The following NTN5 variants were observed in gnomAD, a reference collection of about 807,000 sequenced individuals.
The protein encoded by NTN5 is netrin 5, also known as netrin-5.
NTN5 carries 42 observed loss-of-function variants against 38.7 expected under a neutral mutation model. That is an observed-to-expected ratio of 1.08 (90% CI 0.85 to 1.40). NTN5 has a LOEUF of 1.40. Among genes scored for constraint, NTN5 ranks in the 40% most tolerant of loss-of-function variants. NTN5 has a pLI of 0.00. For synonymous variants in NTN5, 329 were observed against 303.9 expected (o/e 1.08, Z -0.86); for missense variants, 658 against 716.5 (o/e 0.92, Z 0.93).
intron 2 of NTN5, chr19:48,667,406 C>T (rs905140275): frequency 4.7e-6 from 2 of 425,802 alleles, no homozygotes; most frequent in Non-Finnish European, 9.5e-6. Context: ...AGGACAGCCT[C>T]CCCAGCGCCC....
At position 48,663,499 on chromosome 19, in the gene NTN5, G is replaced by A. The variant is rs2031604183; in HGVS notation, c.1069C>T (p.His357Tyr). The change falls in exon 6 of 7, where the codon CAC (histidine) becomes TAC (tyrosine). Residue 357 changes from histidine (H) to tyrosine (Y), a missense_variant. Coordinates refer to ENST00000270235, the MANE Select transcript of NTN5 (RefSeq NM_145807.4). ...TGGCAGTACCTCCGAAGGCTCATGTGTACCCTGGTGTCCGACATATTGCAG... is the reference window on the plus strand; with the variant it reads ...TGGCAGTACCTCCGAAGGCTCATGTATACCCTGGTGTCCGACATATTGCAG... ...NYCNMSDTRV[H>Y]MSLRRYCQQD... 4 of 1,614,200 alleles carry A rather than the reference G, an allele frequency of 2.5e-6. No individual in the cohort carries two copies. Among genetic ancestry groups the A allele is most frequent in the African/African-American group, 2.7e-5 (2 of 75,068 alleles).
At position 48,664,556 on chromosome 19, in the gene NTN5, G is replaced by T. The variant is rs1365050970; in HGVS notation, c.820+23C>A. 3.3e-5 allele frequency: 52 copies of T among 1,583,074 alleles called. 2 individuals carry two copies. The South Asian group carries it at 4.6e-4, about 14-fold the overall frequency. On this transcript the variant is annotated intron_variant, in intron 3 of 6. Coordinates refer to ENST00000270235, the MANE Select transcript of NTN5 (RefSeq NM_145807.4). ...CCAGCCCTACCTCTGCTCCCCCCAG[G>T]CCTGTCTGCAGGCCACACTCACCTC...
chr19:48,670,584 C>A lies in NTN5; in HGVS notation c.403G>T (p.Ala135Ser), dbSNP rs1457788455. 2 of 1,572,764 alleles carry A rather than the reference C, an allele frequency of 1.3e-6. No homozygotes were observed. The highest frequency in any genetic ancestry group is 2.7e-5 in the African/African-American group (2 of 73,942). The change falls in exon 2 of 7, where the codon GCC becomes TCC. Residue 135 changes from alanine (A) to serine (S), a missense_variant. Coordinates refer to ENST00000270235, the MANE Select transcript of NTN5 (RefSeq NM_145807.4). Reference sequence around the variant, plus strand: ...CCAAACTCCACACGGAGGTGGCTGGCCGCCACAGTGGCCTTAGGACCTGGT... The same window carrying A: ...CCAAACTCCACACGGAGGTGGCTGGACGCCACAGTGGCCTTAGGACCTGGT... ...STPGPKATVA[A>S]SHLRVEFGGQ... is the part of the protein sequence containing the mutation.
At chr19:48,665,664 C>A (rs2031684347) in intron 2 of NTN5, among the ~76,000 whole-genome samples, 1 of 151,210 alleles carries the variant, frequency 6.6e-6, no homozygotes, top group Non-Finnish European at 1.5e-5. Flanking sequence ...ACTAAAAATA[C>A]AAAAATTAGC....
intron 2 of NTN5, among the ~76,000 whole-genome samples, chr19:48,669,439 C>G (rs2031830323): frequency 9.3e-6 from 1 of 107,006 alleles, no homozygotes; most frequent in South Asian, 3.5e-4. Context: ...TCACCACCAC[C>G]ACCACCATCA....
chr19:48,663,510 T>C lies in NTN5; in HGVS notation c.1058A>G (p.Asp353Gly), dbSNP rs1452241498. Residue 353 changes from aspartate to glycine, a missense_variant, in exon 6 of 7, where the codon GAC becomes GGC. By Grantham distance (94) the Asp-to-Gly change is moderately conservative. Transcript: ENST00000270235. ...PQCQNYCNMSDTRVHMSLRRY... is the reference protein window; with the variant it reads ...PQCQNYCNMSGTRVHMSLRRY... ...CCGAAGGCTCATGTGTACCCTGGTG[T>C]CCGACATATTGCAGTAGTTTTGACA... is the stretch of plus-strand genomic sequence containing the variant. The C allele has an allele frequency of 6.2e-7, 1 of 1,614,074 alleles. No individual in the cohort carries two copies. The highest frequency in any genetic ancestry group is 1.3e-5 in the African/African-American group (1 of 74,934).
Position 48,670,469 on chromosome 19 carries a change from G to T in NTN5, c.518C>A (p.Pro173His). The change falls in exon 2 of 7, where the codon CCC (proline) becomes CAC (histidine). Residue 173 changes from proline to histidine, a missense_variant. Coordinates refer to ENST00000270235, the MANE Select transcript of NTN5 (RefSeq NM_145807.4). ...AARCAARARPPRCHCRHHTTG... is the reference protein window; with the variant it reads ...AARCAARARPHRCHCRHHTTG... ...GGTATGGTGGCGGCAGTGGCAGCGG[G>T]GGGGCCGGGCACGGGCGGCACAGCG... is the stretch of plus-strand genomic sequence containing the variant. 1 of 1,476,284 alleles carries T rather than the reference G, an allele frequency of 6.8e-7. No individual in the cohort carries two copies. Among genetic ancestry groups the T allele is most frequent in the African/African-American group, 1.4e-5 (1 of 70,786 alleles). The allele number at this position is 1,476,284 out of a possible 1,614,324, so 91.4% of individuals were successfully genotyped here. A position where few individuals can be genotyped will look rare whatever the true frequency, so the allele number is the denominator to read the frequency against.
At chr19:48,666,507 G>C (rs1226654784) in intron 2 of NTN5, among the ~76,000 whole-genome samples, 1 of 151,552 alleles carries the variant, frequency 6.6e-6, no homozygotes, top group South Asian at 2.1e-4. Context: ...CTGCACTCCA[G>C]CCTGGGCAAC....
chr19:48,664,766 G>A lies in NTN5; in HGVS notation c.633C>T (p.Pro211=). ...ATPRHPHPCL[P]CSCNQHARRC... is the part of the protein sequence containing the mutation. ...GTCGGGCGTGCTGGTTGCAGGAGCA[G>A]GCTAGGAGCAAAATGGGGTGGGGGC... is the stretch of plus-strand genomic sequence containing the variant. Residue 211 remains proline (P), a splice_region_variant and synonymous_variant, in exon 3 of 7, where the codon CCC becomes CCT. Coordinates refer to ENST00000270235, the MANE Select transcript of NTN5 (RefSeq NM_145807.4). 3 of 1,544,974 alleles carry A rather than the reference G, an allele frequency of 1.9e-6. No homozygotes were observed. Among genetic ancestry groups the A allele is most frequent in the Middle Eastern group, 1.7e-4 (1 of 5,924 alleles).
At chr19:48,669,724 C>T (rs111212180) in intron 2 of NTN5, among the ~76,000 whole-genome samples, 36 of 132,186 alleles carry the variant, frequency 2.7e-4, no homozygotes, top group African/African-American at 6.6e-4. Context: ...ATCACCACCA[C>T]CACCACCATC....
In NTN5 at chr19:48,661,791, C is replaced by T; in HGVS notation, c.1356G>A (p.Ala452=). The T allele has an allele frequency of 7.2e-7, 1 of 1,383,122 alleles. No homozygotes were observed. The highest frequency in any genetic ancestry group is 9.3e-7 in the Non-Finnish European group (1 of 1,076,484). The allele number at this position is 1,383,122 out of a possible 1,614,324, so 85.7% of individuals were successfully genotyped here. The part of the protein sequence containing the change: ...TRLILDRHGL[A]LPWRPRWARP... ...GGGCCCAGCGCGGCCTCCATGGCAG[C>T]GCGAGGCCGTGGCGGTCGAGGATGA... Residue 452 remains alanine, a synonymous_variant, in exon 7 of 7, where the codon GCG becomes GCA. Coordinates refer to ENST00000270235, the MANE Select transcript of NTN5 (RefSeq NM_145807.4).
intron 1 of NTN5, 67 bp downstream of exon 1, chr19:48,672,865 C>T (rs1268481102): frequency 5.3e-6 from 1 of 190,380 alleles, no homozygotes; most frequent in Non-Finnish European, 1.1e-5. Context: ...GGGACCCAGG[C>T]TTCCTTTCCC....
At chr19:48,672,541 C>T (rs1568453852) in intron 1 of NTN5, among the ~76,000 whole-genome samples, 1 of 152,212 alleles carries the variant, frequency 6.6e-6, no homozygotes, top group Non-Finnish European at 1.5e-5. Flanking sequence ...CCTCGCCCTC[C>T]GCCCTCCCAA....
intron 2 of NTN5, among the ~76,000 whole-genome samples, chr19:48,669,501 C>T (rs896236711): frequency 8.2e-4 from 48 of 58,208 alleles, no homozygotes; most frequent in African/African-American, 3.0e-3. Flanking sequence ...ATCACCACCA[C>T]CACGACCATC....
At position 48,670,696 on chromosome 19, in the gene NTN5, G is replaced by A; in HGVS notation, c.291C>T (p.Ala97=). 2 of 1,611,464 alleles carry A rather than the reference G, an allele frequency of 1.2e-6. No homozygotes were observed. Among genetic ancestry groups the A allele is most frequent in the South Asian group, 2.2e-5 (2 of 90,848 alleles). ...PPALILSAAW[A]SGGPWRLLWH... ...ACAGCAGCCTCCAGGGACCCCCTGA[G>A]GCCCAGGCAGCAGACAGGATGAGGG... The change falls in exon 2 of 7, where the codon GCC becomes GCT. Residue 97 remains alanine (A), a synonymous_variant. Coordinates refer to ENST00000270235, the MANE Select transcript of NTN5 (RefSeq NM_145807.4).
intron 2 of NTN5, among the ~76,000 whole-genome samples, chr19:48,669,697 T>C (rs1224665832): frequency 8.2e-3 from 138 of 16,928 alleles, no homozygotes; most frequent in Non-Finnish European, 0.014. Context: ...ACCACCACCA[T>C]CATCACCATC....
intron 6 of NTN5, 123 bp downstream of exon 6, chr19:48,663,340 T>G: frequency 2.3e-6 from 2 of 888,388 alleles, no homozygotes; most frequent in East Asian, 2.4e-5. Context: ...CAGGAAGGGG[T>G]TTGGAATCCA....
chr19:48,670,666 G>A lies in NTN5; in HGVS notation c.321C>T (p.His107=). ...ASGGPWRLLW[H]RPAWPGALGG... Reference sequence around the variant, plus strand: ...CTAAGGCCCCAGGCCAGGCGGGCCTGTGCCACAGCAGCCTCCAGGGACCCC... The same window carrying A: ...CTAAGGCCCCAGGCCAGGCGGGCCTATGCCACAGCAGCCTCCAGGGACCCC... The change falls in exon 2 of 7, where the codon CAC becomes CAT. Residue 107 remains histidine, a synonymous_variant. Coordinates refer to ENST00000270235, the MANE Select transcript of NTN5 (RefSeq NM_145807.4). The A allele has an allele frequency of 6.2e-7, 1 of 1,607,672 alleles. No individual in the cohort carries two copies. Among genetic ancestry groups the A allele is most frequent in the Non-Finnish European group, 8.5e-7 (1 of 1,177,802 alleles).
chr19:48,667,645 T>C (rs1172360962), intron 2 of NTN5, among the ~76,000 whole-genome samples: 1 of 152,068 alleles, frequency 6.6e-6, no homozygotes, highest in Non-Finnish European at 1.5e-5. Context: ...TCACCTGAGG[T>C]CAGGAGTTTG....
Sources: allele counts gnomAD v4.1 joint callset (sites outside exome capture counted in the v4.1 genomes callset), GRCh38; gene constraint gnomAD v4.1.1; transcripts MANE v1.5; gene names NCBI Gene and HGNC (gene_info 2026-07-23, HGNC 2026-07-21).